FBXL17: variants seen among roughly 807,000 people sequenced by gnomAD.
FBXL17 encodes F-box and leucine rich repeat protein 17.
Under a neutral mutation model 66.2 loss-of-function variants are expected in FBXL17, and 22 were observed. The observed-to-expected ratio is 0.33, with a 90% CI of 0.24 to 0.47. The LOEUF is 0.47. Among genes scored for constraint, FBXL17 ranks in the 20% least tolerant of loss-of-function variants. The probability of loss-of-function intolerance (pLI) is 1.00; values close to 1 mark genes in which losing one functional copy is unlikely to be tolerated. For synonymous variants in FBXL17, 474 were observed against 400.5 expected, an observed-to-expected ratio of 1.18 and a Z score of -2.19; for missense variants, 878 against 948.2, an observed-to-expected ratio of 0.93 and a Z score of 0.97.
At chr5:108,016,486 T>A (rs560226404) in intron 7 of FBXL17, among the ~76,000 whole-genome samples, 182 of 152,016 alleles carry the variant, frequency 1.2e-3, no homozygotes, top group African/African-American at 4.1e-3. Flanking sequence ...CCCACAGGAG[T>A]GCTAAAGTGA....
intron 4 of FBXL17, among the ~76,000 whole-genome samples, chr5:108,265,706 G>A (rs1403364699): frequency 1.3e-5 from 2 of 152,012 alleles, no homozygotes; most frequent in Non-Finnish European, 2.9e-5. Flanking sequence ...CTTCACATCA[G>A]GATCTGTTTT....
At chr5:108,154,454 G>A (rs1751891168) in intron 6 of FBXL17, among the ~76,000 whole-genome samples, 1 of 151,000 alleles carries the variant, frequency 6.6e-6, no homozygotes, top group Admixed American at 6.6e-5. Context: ...GCTGGGCGTG[G>A]TGGTGTATGC....
At chr5:108,199,360 T>C (rs1228102884) in intron 5 of FBXL17, among the ~76,000 whole-genome samples, 1 of 152,188 alleles carries the variant, frequency 6.6e-6, no homozygotes, top group Non-Finnish European at 1.5e-5. Context: ...ACTTCTTTAG[T>C]CAAATATTTT....
At chr5:108,120,584 G>A (rs114530571) in intron 6 of FBXL17, among the ~76,000 whole-genome samples, 1,621 of 152,162 alleles carry the variant, frequency 0.011, 38 homozygotes, top group African/African-American at 0.037. Context: ...TAATCTCAGC[G>A]CTTTGGGAGG....
At chr5:107,928,558 T>G (rs1375123359) in intron 7 of FBXL17, among the ~76,000 whole-genome samples, 4 of 152,128 alleles carry the variant, frequency 2.6e-5, no homozygotes, top group African/African-American at 9.6e-5. Context: ...TAATATTACT[T>G]CTAAGTAATC....
At chr5:108,052,363 G>C (rs1747519235) in intron 6 of FBXL17, among the ~76,000 whole-genome samples, 1 of 152,110 alleles carries the variant, frequency 6.6e-6, no homozygotes, top group Non-Finnish European at 1.5e-5. Flanking sequence ...CAAAGTCTCA[G>C]GATACAAAAT....
intron 4 of FBXL17, among the ~76,000 whole-genome samples, chr5:108,281,606 AACAAT>A (rs1426686144): frequency 6.6e-6 from 1 of 151,854 alleles, no homozygotes; most frequent in African/African-American, 2.4e-5. Context: ...TTGCCAGTAT[AACAAT>A]ACATCTCCAG....
At chr5:108,032,969 G>A (rs925275041) in intron 6 of FBXL17, among the ~76,000 whole-genome samples, 2 of 152,140 alleles carry the variant, frequency 1.3e-5, no homozygotes, top group Non-Finnish European at 1.5e-5. Context: ...GACAAAAAAA[G>A]AAAACCTATA....
chr5:107,995,581 A>G (rs1580302571), intron 7 of FBXL17, among the ~76,000 whole-genome samples: 1 of 152,286 alleles, frequency 6.6e-6, no homozygotes, highest in East Asian at 1.9e-4. Context: ...ATGTGTATCA[A>G]TATAACCAAA....
chr5:108,371,566 T>G (rs1240928292), intron 1 of FBXL17, among the ~76,000 whole-genome samples: 1 of 152,078 alleles, frequency 6.6e-6, no homozygotes, highest in East Asian at 1.9e-4. Context: ...AAACTGCCCA[T>G]GAGAAAACCC....
intron 6 of FBXL17, among the ~76,000 whole-genome samples, chr5:108,030,855 T>C (rs1343793165): frequency 6.6e-6 from 1 of 152,124 alleles, no homozygotes; most frequent in Non-Finnish European, 1.5e-5. Flanking sequence ...TGGTCAGTTT[T>C]GTGCTTCTAT....
rs564326946 is a variant in FBXL17, at chr5:108,129,568, C to T, written c.1745+56549G>A. ...CTTAATATTTTCTATACAGTGAAAACGAGTCAAAAGACTTCAAGAATCATT... is the reference window on the plus strand; with the variant it reads ...CTTAATATTTTCTATACAGTGAAAATGAGTCAAAAGACTTCAAGAATCATT... On this transcript the variant is annotated intron_variant, in intron 6 of 8. Transcript: ENST00000542267. Among the ~76,000 whole-genome samples, 14 of 152,012 alleles carry T rather than the reference C, an allele frequency of 9.2e-5. No homozygotes were observed. The East Asian group carries it at 2.3e-3, about 25-fold the overall frequency.
intron 4 of FBXL17, among the ~76,000 whole-genome samples, chr5:108,323,753 C>G (rs1214417813): frequency 1.3e-5 from 2 of 151,900 alleles, no homozygotes; most frequent in African/African-American, 4.8e-5. Context: ...CAGACATAGA[C>G]CAAATGAAAC....
intron 7 of FBXL17, among the ~76,000 whole-genome samples, chr5:107,953,100 T>A (rs965385839): frequency 6.6e-6 from 1 of 151,284 alleles, no homozygotes; most frequent in African/African-American, 2.4e-5. Flanking sequence ...TTTCATACTT[T>A]AAAAAAAAAA....
chr5:108,346,065 AC>A (rs1368512273), intron 4 of FBXL17, among the ~76,000 whole-genome samples: 1 of 152,170 alleles, frequency 6.6e-6, no homozygotes, highest in Non-Finnish European at 1.5e-5. Context: ...TTGTTACATT[AC>A]TAAGAATAGG....
chr5:107,929,140 A>G (rs1172765171), intron 7 of FBXL17, among the ~76,000 whole-genome samples: 1 of 152,196 alleles, frequency 6.6e-6, no homozygotes, highest in East Asian at 1.9e-4. Flanking sequence ...CTCACTGTCA[A>G]TATTGAAAAC....
chr5:108,129,894 A>T (rs1750864612), intron 6 of FBXL17, among the ~76,000 whole-genome samples: 1 of 151,372 alleles, frequency 6.6e-6, no homozygotes, highest in African/African-American at 2.4e-5. Context: ...TTTTTAATCT[A>T]AATAACCCAT....
chr5:108,039,104 C>A (rs1264495747), intron 6 of FBXL17, among the ~76,000 whole-genome samples: 1 of 151,996 alleles, frequency 6.6e-6, no homozygotes, highest in African/African-American at 2.4e-5. Context: ...CCTACCAGGG[C>A]AGAAAAGAGG....
chr5:107,925,493 T>G (rs1288468812), intron 7 of FBXL17, among the ~76,000 whole-genome samples: 1 of 152,216 alleles, frequency 6.6e-6, no homozygotes, highest in Admixed American at 6.5e-5. Flanking sequence ...CAGCACGTTT[T>G]GGCCCCACAG....
Sources: gnomAD v4.1 joint callset for allele counts (sites outside exome capture counted in the v4.1 genomes callset) on GRCh38, gnomAD v4.1.1 for gene constraint, MANE v1.5 for transcripts, NCBI Gene and HGNC (gene_info 2026-07-23, HGNC 2026-07-21) for gene names.